ADGRL2: variants seen among roughly 807,000 people sequenced by gnomAD.
The protein encoded by ADGRL2 is calcium-independent alpha-latrotoxin receptor 2.
A neutral mutation model predicts 157.4 loss-of-function variants in ADGRL2; 44 were observed. That is an observed-to-expected ratio of 0.28 (90% CI 0.22 to 0.36). ADGRL2 has a LOEUF of 0.36. ADGRL2 is among the 10% of genes least tolerant of loss of function. The pLI is 1.00. For synonymous variants in ADGRL2, 585 were observed against 624.7 expected (o/e 0.94, Z 0.95); for missense variants, 1,510 against 1,768.9 (o/e 0.85, Z 2.63).
At chr1:81,879,189 T>C (rs1390783510) in intron 2 of ADGRL2, among the ~76,000 whole-genome samples, 1 of 152,100 alleles carries the variant, frequency 6.6e-6, no homozygotes, top group African/African-American at 2.4e-5. Context: ...ATGCAACATA[T>C]AAATGAGTAG....
intron 3 of ADGRL2, among the ~76,000 whole-genome samples, chr1:81,666,797 T>A (rs2082760179): frequency 6.6e-6 from 1 of 152,222 alleles, no homozygotes. Flanking sequence ...CCACAAGGGC[T>A]GTGACTAACC....
rs537542255 is a variant in ADGRL2 at position 81,980,687 on chromosome 1, T to A, written c.3113+727T>A. 2.6e-4 allele frequency: 130 copies of A among 494,918 alleles called. No individual in the cohort carries two copies. The East Asian group carries it at 4.0e-3, about 15-fold the overall frequency. 30.7% of individuals were successfully genotyped at this position (494,918 alleles called of 1,614,324 possible). ...TTTTTTTTTAATTAGATGTTTTAGA[T>A]AGGTTAGTGCCAGCTTCATTGCATG... On this transcript the variant is annotated intron_variant, in intron 18 of 23. Transcript: ENST00000686636.
intron 1 of ADGRL2, among the ~76,000 whole-genome samples, chr1:81,334,207 C>T (rs960558901): frequency 6.6e-6 from 1 of 152,216 alleles, no homozygotes; most frequent in African/African-American, 2.4e-5. Flanking sequence ...CACTTGCCAG[C>T]TGTGAGCCTA....
chr1:81,928,912 A>G (rs1342129), intron 3 of ADGRL2, among the ~76,000 whole-genome samples: 37,233 of 151,976 alleles, frequency 0.24, 5,057 homozygotes, highest in Middle Eastern at 0.35. Context: ...GAAAAAAAAA[A>G]AGTCTTACCA....
intron 3 of ADGRL2, among the ~76,000 whole-genome samples, chr1:81,598,486 A>G (rs971846969): frequency 6.6e-6 from 1 of 152,264 alleles, no homozygotes; most frequent in African/African-American, 2.4e-5. Context: ...AAGATTTTAT[A>G]GAATGCAAAG....
At position 81,620,354 on chromosome 1, in the gene ADGRL2, A is replaced by G. The variant is rs769920333; in HGVS notation, c.-143+39374A>G. 2.6e-5 allele frequency among the ~76,000 whole-genome samples: 4 copies of G among 152,358 alleles called. No individual in the cohort carries two copies. In the East Asian group the frequency reaches 7.7e-4, roughly 29 times the overall value. The stretch of plus-strand genomic sequence containing the variant: ...AAAATGTAAGATGTACAACTAGCAT[A>G]TGAAGTACATGGTTTTATGGATTCT... On this transcript the variant is annotated intron_variant, in intron 3 of 24. Transcript: ENST00000370721.
intron 2 of ADGRL2, among the ~76,000 whole-genome samples, chr1:81,460,908 T>C (rs933509049): frequency 1.6e-4 from 24 of 152,228 alleles, no homozygotes; most frequent in African/African-American, 5.5e-4. Context: ...CTCTGTCAAG[T>C]GTACATTTTA....
chr1:81,612,532 C>T (rs372744135), intron 3 of ADGRL2, among the ~76,000 whole-genome samples: 6 of 152,034 alleles, frequency 3.9e-5, no homozygotes, highest in Non-Finnish European at 8.8e-5. Flanking sequence ...AGTGGGTCAA[C>T]AGGATTATGC....
At chr1:81,532,598 C>CAA (rs556846085) in intron 2 of ADGRL2, among the ~76,000 whole-genome samples, 124 of 124,276 alleles carry the variant, frequency 1.0e-3, no homozygotes, top group African/African-American at 1.2e-3. Flanking sequence ...ATCTGGAAAC[C>CAA]AAAAAAAAAA....
intron 1 of ADGRL2, among the ~76,000 whole-genome samples, chr1:81,337,570 A>G (rs1661746067): frequency 6.6e-6 from 1 of 152,226 alleles, no homozygotes; most frequent in African/African-American, 2.4e-5. Flanking sequence ...CAGAGAAATC[A>G]TCATTTGCTT....
In ADGRL2 at chr1:81,625,309, CCT is replaced by C. The variant is rs1201467446; in HGVS notation, c.-143+44335_-143+44336del. On this transcript the variant is annotated intron_variant, in intron 3 of 24. Transcript: ENST00000370721. ...TCTTCCATATCTTCCTCCCTCCCTCCCTCTCTCCTCTAAATTTCCTTGCCCTT... is the reference window on the plus strand; with the variant it reads ...TCTTCCATATCTTCCTCCCTCCCTCCCTCTCCTCTAAATTTCCTTGCCCTT... Among the ~76,000 whole-genome samples the C allele has an allele frequency of 2.6e-5, 4 of 152,232 alleles. No individual in the cohort carries two copies. The East Asian group carries it at 7.7e-4, about 29-fold the overall frequency.
rs1321802425 is a variant in ADGRL2 at position 81,747,049 on chromosome 1, T to TAC, written c.-142-14761_-142-14760dup. ...GTGTATATACGTATATATATGTATA[T>TAC]ACGTATATACACATGTGTATATATG... On this transcript the variant is annotated intron_variant, in intron 1 of 20. Transcript: ENST00000359929. 2.0e-4 allele frequency among the ~76,000 whole-genome samples: 30 copies of TAC among 147,236 alleles called. No homozygotes were observed. In the East Asian group the frequency reaches 5.8e-3, roughly 28 times the overall value.
At position 81,837,106 on chromosome 1, in the gene ADGRL2, T is replaced by C. The variant is rs201812440; in HGVS notation, c.73+49T>C. Reference sequence around the variant, plus strand: ...TTTTTAAATCCAGGAGAACTTGAACTATACAATCTTCTTAATATGGAAGTG... The same window carrying C: ...TTTTTAAATCCAGGAGAACTTGAACCATACAATCTTCTTAATATGGAAGTG... On this transcript the variant is annotated intron_variant, in intron 2 of 23. Transcript: ENST00000686636. 46 of 1,021,754 alleles carry C rather than the reference T, an allele frequency of 4.5e-5. No homozygotes were observed. The East Asian group carries it at 1.2e-3, about 27-fold the overall frequency. The allele number at this position is 1,021,754 out of a possible 1,614,324, so 63.3% of individuals were successfully genotyped here.
At chr1:81,799,294 G>A (rs1041496009), upstream of ADGRL2, among the ~76,000 whole-genome samples, 5 of 137,508 alleles carry the variant, frequency 3.6e-5, no homozygotes, top group East Asian at 3.8e-4. Flanking sequence ...AATTCCAGAT[G>A]TAAGTGTGTA....
Position 81,907,028 on chromosome 1 carries a change from G to C in ADGRL2, c.85G>C (p.Ala29Pro). ...TTTTTTATTTTAAGGTTTCAGCAGA[G>C]CAGCTTTACCATTTGGGCTGGTGAG... ...FLPNTEGFSR[A>P]ALPFGLVRRE... Residue 29 changes from alanine to proline, a missense_variant, in exon 3 of 24, where the codon GCA becomes CCA. Physicochemically the swap from Ala to Pro is conservative, Grantham distance 27 (BLOSUM62 -1). This residue lies in a region of ADGRL2 where 361 missense variants were observed against 498.4 expected (regional missense o/e 0.72). Transcript: ENST00000686636. 1 of 1,613,332 alleles carries C rather than the reference G, an allele frequency of 6.2e-7. No individual in the cohort carries two copies. Among genetic ancestry groups the C allele is most frequent in the Non-Finnish European group, 8.5e-7 (1 of 1,179,378 alleles).
At chr1:81,766,206 A>C (rs2149326575) in intron 2 of ADGRL2, among the ~76,000 whole-genome samples, 1 of 152,254 alleles carries the variant, frequency 6.6e-6, no homozygotes. Context: ...TTATTTATTT[A>C]ATTTTTAATG....
chr1:81,346,951 A>C (rs1210725971), intron 1 of ADGRL2, among the ~76,000 whole-genome samples: 1 of 152,178 alleles, frequency 6.6e-6, no homozygotes, highest in East Asian at 1.9e-4. Context: ...ATGCAAGAAA[A>C]AGCCTAGATT....
intron 2 of ADGRL2, among the ~76,000 whole-genome samples, chr1:81,538,300 C>T (rs1331425471): frequency 6.6e-6 from 1 of 152,044 alleles, no homozygotes; most frequent in Non-Finnish European, 1.5e-5. Context: ...TATTGGTATG[C>T]AGCAGCTGTG....
At chr1:81,618,575 A>T (rs143680164) in intron 3 of ADGRL2, among the ~76,000 whole-genome samples, 494 of 152,328 alleles carry the variant, frequency 3.2e-3, no homozygotes, top group African/African-American at 0.011. Flanking sequence ...TGTACCAAGA[A>T]ATTCCCTCCT....
Sources: allele counts gnomAD v4.1 joint callset (sites outside exome capture counted in the v4.1 genomes callset), GRCh38; gene constraint gnomAD v4.1.1; regional missense constraint gnomAD v4.1.1; transcripts MANE v1.5; gene names NCBI Gene and HGNC (gene_info 2026-07-23, HGNC 2026-07-21).